The following PID1 variants were observed in gnomAD, a reference collection of about 807,000 sequenced individuals.
PID1 encodes phosphotyrosine interaction domain containing 1, also known as PTB-containing, cubilin and LRP1-interacting protein.
In PID1, 10 loss-of-function variants were observed where a neutral mutation model predicts 19.1. That is an observed-to-expected ratio of 0.52 (90% confidence interval 0.32 to 0.89). PID1 has a LOEUF of 0.89. Ranked by LOEUF, PID1 falls within the 40% of genes least tolerant of loss-of-function variation. The pLI is 0.03. For synonymous variants in PID1, 130 were observed against 116.0 expected (o/e 1.12, Z -0.78); for missense variants, 248 against 285.3 (o/e 0.87, Z 0.94).
rs775815358 is a variant in PID1, at chr2:229,087,353, G to A, written c.178-61245C>T. Among the ~76,000 whole-genome samples, 34 of 152,134 alleles carry A rather than the reference G, an allele frequency of 2.2e-4. 2 individuals carry two copies. The highest frequency in any genetic ancestry group is 9.7e-5 in the African/African-American group (4 of 41,444). ...ACCAGACAACAAAGAGTACTTGTGG[G>A]ATTCCAGTGACATGTAGTTCAAAAA... On this transcript the variant is annotated intron_variant, in intron 2 of 2. Transcript: ENST00000392055.
intron 2 of PID1, among the ~76,000 whole-genome samples, chr2:229,116,860 C>T (rs952394933): frequency 3.3e-5 from 5 of 151,918 alleles, no homozygotes; most frequent in Non-Finnish European, 5.9e-5. Context: ...TTTTCAGTTT[C>T]CTCTGCAAGG....
intron 2 of PID1, among the ~76,000 whole-genome samples, chr2:229,061,450 G>C (rs1694210467): frequency 6.6e-6 from 1 of 151,794 alleles, no homozygotes; most frequent in Non-Finnish European, 1.5e-5. Flanking sequence ...TGTTTATTTT[G>C]TTCCATTAGC....
chr2:229,096,063 G>T (rs1233098598), intron 2 of PID1, among the ~76,000 whole-genome samples: 1 of 152,164 alleles, frequency 6.6e-6, no homozygotes, highest in East Asian at 1.9e-4. Flanking sequence ...AACAGATAGA[G>T]AAATGTCCAC....
chr2:229,187,179 C>T (rs1309123172), intron 1 of PID1, among the ~76,000 whole-genome samples: 1 of 152,186 alleles, frequency 6.6e-6, no homozygotes, highest in Non-Finnish European at 1.5e-5. Flanking sequence ...TCCAAACTTT[C>T]CCACATTTTC....
intron 1 of PID1, among the ~76,000 whole-genome samples, chr2:229,211,456 G>A (rs963136550): frequency 6.6e-6 from 1 of 152,038 alleles, no homozygotes; most frequent in Non-Finnish European, 1.5e-5. Flanking sequence ...GCATGCTTGT[G>A]GTTTTCTTAA....
intron 1 of PID1, among the ~76,000 whole-genome samples, chr2:229,183,379 T>A (rs1389207847): frequency 6.6e-6 from 1 of 152,222 alleles, no homozygotes; most frequent in Non-Finnish European, 1.5e-5. Context: ...ATAGTTAACT[T>A]AATGTGTCAC....
chr2:229,163,015 AATG>A (rs1690520596), intron 1 of PID1, among the ~76,000 whole-genome samples: 2 of 152,324 alleles, frequency 1.3e-5, no homozygotes, highest in South Asian at 4.1e-4. Flanking sequence ...AATTAAAAGT[AATG>A]ATATGAAAGA....
intron 2 of PID1, among the ~76,000 whole-genome samples, chr2:229,064,252 T>C (rs1694274680): frequency 6.6e-6 from 1 of 152,034 alleles, no homozygotes. Context: ...AAGAGGATGA[T>C]GGTACAAAAT....
chr2:229,099,060 G>A (rs2106226252), intron 2 of PID1, among the ~76,000 whole-genome samples: 1 of 152,180 alleles, frequency 6.6e-6, no homozygotes. Context: ...GTTGGTTTAG[G>A]CCTGGGAACT....
rs542296619 is a variant in PID1, at chr2:229,069,931, CAA to C, written c.178-43825_178-43824del. On this transcript the variant is annotated intron_variant, in intron 2 of 2. Transcript: ENST00000392055. ...AAATCAACAGTTTGACAAAAGAAGT[CAA>C]GAGGGGGGAACAAAACAGAAGACAG... is the stretch of plus-strand genomic sequence containing the variant. Among the ~76,000 whole-genome samples, 462 of 152,254 alleles carry C rather than the reference CAA, an allele frequency of 3.0e-3. 1 individual carries two copies. The highest frequency in any genetic ancestry group is 0.013 in the Admixed American group (203 of 15,296).
intron 2 of PID1, among the ~76,000 whole-genome samples, chr2:229,123,507 C>CATAT (rs1258721307): frequency 1.3e-5 from 2 of 152,156 alleles, no homozygotes; most frequent in African/African-American, 2.4e-5. Flanking sequence ...TTTGCACAGG[C>CATAT]ATATGTCTTC....
rs116095639 is a variant in PID1 at position 229,207,329 on chromosome 2, C to T, written c.31-51365G>A. 2.4e-3 allele frequency among the ~76,000 whole-genome samples: 370 copies of T among 152,026 alleles called. 3 individuals are homozygous for T. The highest frequency in any genetic ancestry group is 8.3e-3 in the African/African-American group (342 of 41,450). ...TGAGGCCATAAGTATGGGACTGAAC[C>T]TCTCTTAGCCTCAGTACCTTGATCT... On this transcript the variant is annotated intron_variant, in intron 1 of 2. Transcript: ENST00000392055.
intron 2 of PID1, among the ~76,000 whole-genome samples, chr2:229,109,271 G>A (rs551096601): frequency 1.3e-5 from 2 of 152,094 alleles, no homozygotes; most frequent in Admixed American, 6.5e-5. Flanking sequence ...TGGGTTACGG[G>A]TGATTTCAAG....
chr2:229,093,755 T>C (rs1302657122), intron 2 of PID1, among the ~76,000 whole-genome samples: 1 of 88,018 alleles, frequency 1.1e-5, no homozygotes, highest in Non-Finnish European at 2.9e-5. Context: ...AGCATGGCTT[T>C]ATGATAAAAA....
intron 2 of PID1, among the ~76,000 whole-genome samples, chr2:229,090,456 G>A (rs890162241): frequency 2.6e-5 from 4 of 152,168 alleles, no homozygotes; most frequent in African/African-American, 9.6e-5. Context: ...CTCCCTGGAA[G>A]GTCATGAGAG....
At position 229,209,245 on chromosome 2, in the gene PID1, A is replaced by G. The variant is rs980913566; in HGVS notation, c.31-53281T>C. ...TGTGGGTTGTGGGTCAACCACTTGC[A>G]AACCCTCACCTACATAGTTTCTGTG... is the stretch of plus-strand genomic sequence containing the variant. On this transcript the variant is annotated intron_variant, in intron 1 of 2. Transcript: ENST00000392055. 5.9e-5 allele frequency among the ~76,000 whole-genome samples: 9 copies of G among 152,330 alleles called. No homozygotes were observed. The East Asian group carries it at 1.7e-3, about 29-fold the overall frequency.
intron 2 of PID1, among the ~76,000 whole-genome samples, chr2:229,083,219 A>T (rs1694701877): frequency 6.6e-6 from 1 of 152,032 alleles, no homozygotes; most frequent in South Asian, 2.1e-4. Flanking sequence ...AAATATTATA[A>T]CTCCATCTAT....
chr2:229,096,753 A>G (rs1306164367), intron 2 of PID1, among the ~76,000 whole-genome samples: 1 of 152,180 alleles, frequency 6.6e-6, no homozygotes, highest in Non-Finnish European at 1.5e-5. Context: ...AACATCATGC[A>G]TATGTTTGGT....
At chr2:229,114,096 C>A (rs899018475) in intron 2 of PID1, among the ~76,000 whole-genome samples, 2 of 140,284 alleles carry the variant, frequency 1.4e-5, no homozygotes, top group African/African-American at 5.2e-5. Context: ...TTTGGACTTG[C>A]CAGCATCTCT....
Sources: allele counts gnomAD v4.1 joint callset (sites outside exome capture counted in the v4.1 genomes callset), GRCh38; gene constraint gnomAD v4.1.1; transcripts MANE v1.5; gene names NCBI Gene and HGNC (gene_info 2026-07-23, HGNC 2026-07-21).